The following CAMK1D variants were observed in gnomAD, a reference collection of about 807,000 sequenced individuals.
CAMK1D encodes the protein calcium/calmodulin dependent protein kinase ID.
In CAMK1D, 9 loss-of-function variants were observed where a neutral mutation model predicts 47.7. The ratio of observed to expected loss-of-function variants is 0.19; its 90% CI spans 0.11 to 0.33. The LOEUF (loss-of-function observed/expected upper bound fraction) is 0.33, where lower values mean the gene tolerates loss of function less well. CAMK1D is among the 10% of genes least tolerant of loss of function. CAMK1D has a pLI of 1.00. For synonymous variants in CAMK1D, 184 were observed against 184.9 expected, an observed-to-expected ratio of 0.99 and a Z score of 0.04; for missense variants, 291 against 488.7, an observed-to-expected ratio of 0.60 and a Z score of 3.81.
At chr10:12,787,775 G>A (rs961133419) in intron 5 of CAMK1D, among the ~76,000 whole-genome samples, 1 of 152,194 alleles carries the variant, frequency 6.6e-6, no homozygotes, top group African/African-American at 2.4e-5. Context: ...GCTGAGGCCG[G>A]TGGATCATGA....
intron 2 of CAMK1D, among the ~76,000 whole-genome samples, chr10:12,571,182 C>T (rs1837312166): frequency 6.6e-6 from 1 of 151,908 alleles, no homozygotes; most frequent in South Asian, 2.1e-4. Flanking sequence ...TGCAGTGGCT[C>T]ATGCCTGTAA....
At chr10:12,397,803 A>G (rs1041611339) in intron 1 of CAMK1D, among the ~76,000 whole-genome samples, 2 of 152,164 alleles carry the variant, frequency 1.3e-5, no homozygotes, top group Admixed American at 1.3e-4. Flanking sequence ...AAGTTTTTGA[A>G]TCAACATACC....
chr10:12,457,785 A>G (rs949122212), intron 1 of CAMK1D, among the ~76,000 whole-genome samples: 81 of 151,698 alleles, frequency 5.3e-4, no homozygotes, highest in Non-Finnish European at 9.6e-4. Flanking sequence ...GTCTCAAAAA[A>G]AAAAAAAAAA....
intron 1 of CAMK1D, among the ~76,000 whole-genome samples, chr10:12,404,478 A>G (rs1323652528): frequency 1.3e-5 from 2 of 152,238 alleles, no homozygotes; most frequent in African/African-American, 2.4e-5. Context: ...TGCCTTATAA[A>G]TAGGTACACC....
intron 2 of CAMK1D, among the ~76,000 whole-genome samples, chr10:12,588,622 C>T (rs1442983880): frequency 2.0e-5 from 3 of 152,108 alleles, no homozygotes; most frequent in African/African-American, 7.2e-5. Context: ...ACCTGCTCAA[C>T]GCTCTCCCAC....
At chr10:12,569,633 G>C (rs564533198) in intron 2 of CAMK1D, among the ~76,000 whole-genome samples, 1 of 147,610 alleles carries the variant, frequency 6.8e-6, no homozygotes, top group East Asian at 2.0e-4. Context: ...GCAGGAGAAT[G>C]GCGTGAACCC....
chr10:12,566,515 TAG>T (rs1036884955), intron 2 of CAMK1D, among the ~76,000 whole-genome samples: 5 of 152,158 alleles, frequency 3.3e-5, no homozygotes, highest in African/African-American at 9.7e-5. Flanking sequence ...CTCTTAATGT[TAG>T]AGTCACCAGA....
At chr10:12,535,470 G>A (rs1194057203) in intron 1 of CAMK1D, among the ~76,000 whole-genome samples, 1 of 152,154 alleles carries the variant, frequency 6.6e-6, no homozygotes, top group Non-Finnish European at 1.5e-5. Flanking sequence ...CATGAGAATG[G>A]CCAATAAGTC....
At chr10:12,813,535 C>T (rs909044652) in intron 6 of CAMK1D, among the ~76,000 whole-genome samples, 1 of 152,086 alleles carries the variant, frequency 6.6e-6, no homozygotes, top group South Asian at 2.1e-4. Context: ...AGAAGGCTGT[C>T]TGTTAGGTTT....
At chr10:12,794,267 G>T (rs921099206) in intron 6 of CAMK1D, among the ~76,000 whole-genome samples, 1 of 152,112 alleles carries the variant, frequency 6.6e-6, no homozygotes, top group Non-Finnish European at 1.5e-5. Context: ...TAACTGTGTC[G>T]ATGGTTAAGA....
intron 5 of CAMK1D, among the ~76,000 whole-genome samples, chr10:12,786,142 G>A (rs556238564): frequency 6.6e-6 from 1 of 152,076 alleles, no homozygotes; most frequent in South Asian, 2.1e-4. Flanking sequence ...TAGAATTTAG[G>A]GTATGGGTGT....
intron 2 of CAMK1D, among the ~76,000 whole-genome samples, chr10:12,657,804 T>G (rs774484252): frequency 3.9e-5 from 6 of 152,172 alleles, no homozygotes; most frequent in Non-Finnish European, 7.3e-5. Flanking sequence ...CACACACATT[T>G]ACATACAAAC....
At chr10:12,751,985 CT>C (rs111668928) in intron 3 of CAMK1D, among the ~76,000 whole-genome samples, 480 of 144,248 alleles carry the variant, frequency 3.3e-3, no homozygotes, top group South Asian at 5.3e-3. Flanking sequence ...CTTGGATTAT[CT>C]TTTTTTTTTT....
At chr10:12,619,764 T>C (rs1564449226) in intron 2 of CAMK1D, among the ~76,000 whole-genome samples, 1 of 152,070 alleles carries the variant, frequency 6.6e-6, no homozygotes, top group Non-Finnish European at 1.5e-5. Context: ...ACAACCAGGA[T>C]ATTGACATTG....
intron 1 of CAMK1D, among the ~76,000 whole-genome samples, chr10:12,536,574 G>A (rs1835977684): frequency 1.3e-5 from 2 of 152,152 alleles, no homozygotes; most frequent in Admixed American, 1.3e-4. Context: ...CCACCGCACT[G>A]CACCTGGCCT....
intron 1 of CAMK1D, among the ~76,000 whole-genome samples, chr10:12,369,387 T>G (rs1837942743): frequency 6.6e-6 from 1 of 152,194 alleles, no homozygotes; most frequent in Non-Finnish European, 1.5e-5. Context: ...AACGTGGTTC[T>G]TGTCCTGAGG....
intron 2 of CAMK1D, among the ~76,000 whole-genome samples, 175 bp downstream of exon 2, chr10:12,553,531 A>G (rs1375605800): frequency 2.6e-5 from 4 of 152,322 alleles, no homozygotes; most frequent in African/African-American, 9.6e-5. Flanking sequence ...CTCGTGTCTT[A>G]GAACATTCAC....
chr10:12,786,904 C>T (rs1265616583), intron 5 of CAMK1D, among the ~76,000 whole-genome samples: 1 of 152,108 alleles, frequency 6.6e-6, no homozygotes, highest in East Asian at 1.9e-4. Context: ...GGGTGGATCA[C>T]CTGAGGTCAG....
chr10:12,367,541 C>G lies in CAMK1D; in HGVS notation c.92+17631C>G, dbSNP rs535808229. ...AATATAATGAAATAATTCTACAACT[C>G]ACCGTAATGTAGAATCAGTGCGAGG... On this transcript the variant is annotated intron_variant, in intron 1 of 10. Transcript: ENST00000619168. Among the ~76,000 whole-genome samples the G allele has an allele frequency of 2.0e-5, 3 of 151,996 alleles. No homozygotes were observed. The South Asian group carries it at 6.2e-4, about 32-fold the overall frequency.
Sources: gnomAD v4.1 joint callset for allele counts (sites outside exome capture counted in the v4.1 genomes callset) on GRCh38, gnomAD v4.1.1 for gene constraint, MANE v1.5 for transcripts, NCBI Gene and HGNC (gene_info 2026-07-23, HGNC 2026-07-21) for gene names.